The following CLNK variants were observed in gnomAD, a reference collection of about 807,000 sequenced individuals.
The protein encoded by CLNK is cytokine dependent hematopoietic cell linker.
In CLNK, 74 loss-of-function variants were observed where a neutral mutation model predicts 68.6. The observed-to-expected ratio is 1.08, with a 90% CI of 0.89 to 1.31. CLNK has a LOEUF of 1.31. CLNK is among the 50% of genes most tolerant of loss of function. The probability of loss-of-function intolerance (pLI) is 0.00; values close to 1 mark genes in which losing one functional copy is unlikely to be tolerated. For missense variants in CLNK, 553 were observed against 515.3 expected (o/e 1.07, Z -0.71); for synonymous variants, 198 against 172.2 (o/e 1.15, Z -1.17).
intron 4 of CLNK, among the ~76,000 whole-genome samples, chr4:10,575,781 A>G (rs574902202): frequency 6.6e-6 from 1 of 152,378 alleles, no homozygotes; most frequent in South Asian, 2.1e-4. Context: ...GTGAATCACA[A>G]TGACTGTTTG....
intron 2 of CLNK, among the ~76,000 whole-genome samples, chr4:10,628,510 G>T (rs1049221571): frequency 1.3e-4 from 20 of 152,148 alleles, no homozygotes; most frequent in African/African-American, 4.3e-4. Context: ...TCCAGACTAA[G>T]ACGGCACCTA....
chr4:10,679,774 C>T (rs1725020831), intron 1 of CLNK, among the ~76,000 whole-genome samples: 1 of 152,168 alleles, frequency 6.6e-6, no homozygotes, highest in African/African-American at 2.4e-5. Flanking sequence ...ATATGCTCAT[C>T]ATCACTGGCC....
chr4:10,563,860 T>C (rs1274515676), intron 7 of CLNK, among the ~76,000 whole-genome samples: 2 of 152,118 alleles, frequency 1.3e-5, no homozygotes, highest in South Asian at 2.1e-4. Flanking sequence ...TGAACTGAGA[T>C]TGTGCCATTG....
At chr4:10,499,227 C>A (rs1389410949) in intron 18 of CLNK, among the ~76,000 whole-genome samples, 2 of 152,142 alleles carry the variant, frequency 1.3e-5, no homozygotes, top group African/African-American at 4.8e-5. Flanking sequence ...CTGACCCCAG[C>A]CAATGGGGAA....
intron 8 of CLNK, among the ~76,000 whole-genome samples, chr4:10,554,796 T>C (rs1351629876): frequency 6.6e-6 from 1 of 152,256 alleles, no homozygotes; most frequent in Non-Finnish European, 1.5e-5. Context: ...AAGTTGTGTG[T>C]TGCCAAGTTC....
At chr4:10,624,018 T>C (rs754783832) in intron 2 of CLNK, among the ~76,000 whole-genome samples, 4 of 152,258 alleles carry the variant, frequency 2.6e-5, no homozygotes, top group Non-Finnish European at 5.9e-5. Flanking sequence ...TGTGAAATGA[T>C]GGTGTCCCAG....
At chr4:10,521,988 T>A (rs1457598280) in intron 14 of CLNK, among the ~76,000 whole-genome samples, 1 of 152,076 alleles carries the variant, frequency 6.6e-6, no homozygotes, top group Non-Finnish European at 1.5e-5. Context: ...TCTGGGCGTG[T>A]TGGCTCACGC....
At chr4:10,582,613 C>G (rs1372514012) in intron 4 of CLNK, among the ~76,000 whole-genome samples, 1 of 151,948 alleles carries the variant, frequency 6.6e-6, no homozygotes, top group African/African-American at 2.4e-5. Context: ...TATCAGCCTC[C>G]GAGAAGGTAT....
At chr4:10,675,539 G>A (rs974039453) in intron 1 of CLNK, among the ~76,000 whole-genome samples, 1 of 152,156 alleles carries the variant, frequency 6.6e-6, no homozygotes, top group Non-Finnish European at 1.5e-5. Context: ...CTTGCAAAGA[G>A]ACATTTATCA....
the CLNK span, among the ~76,000 whole-genome samples, chr4:10,714,999 A>G: frequency 2.0e-5 from 3 of 152,256 alleles, no homozygotes; most frequent in South Asian, 2.1e-4. Context: ...TGGTTTCAGT[A>G]TCAGTAATAA....
At chr4:10,549,981 G>A (rs1194450251) in intron 8 of CLNK, among the ~76,000 whole-genome samples, 1 of 152,198 alleles carries the variant, frequency 6.6e-6, no homozygotes, top group Non-Finnish European at 1.5e-5. Flanking sequence ...AGAATCCGAT[G>A]GACCTTGGTT....
chr4:10,516,330 G>A (rs1297182243), intron 15 of CLNK, among the ~76,000 whole-genome samples: 1 of 152,136 alleles, frequency 6.6e-6, no homozygotes, highest in African/African-American at 2.4e-5. Context: ...TACAGTTATG[G>A]TTAGTAACTT....
chr4:10,595,201 A>C lies in CLNK; in HGVS notation c.83+2777T>G, dbSNP rs375822070. Among the ~76,000 whole-genome samples, 22 of 152,330 alleles carry C rather than the reference A, an allele frequency of 1.4e-4. 1 individual carries two copies. The East Asian group carries it at 3.3e-3, about 23-fold the overall frequency. ...CCACTTTCTACTGGGACTGTGACAAAAAGATATAACCTCCCTCAGACTATT... is the reference window on the plus strand; with the variant it reads ...CCACTTTCTACTGGGACTGTGACAACAAGATATAACCTCCCTCAGACTATT... On this transcript the variant is annotated intron_variant, in intron 3 of 18. Transcript: ENST00000226951.
chr4:10,578,610 G>C (rs1209202317), intron 4 of CLNK, among the ~76,000 whole-genome samples: 1 of 93,278 alleles, frequency 1.1e-5, no homozygotes. Flanking sequence ...TTTTTGAGAT[G>C]GAGTTTTGCT....
At chr4:10,698,393 A>G in the CLNK span, among the ~76,000 whole-genome samples, 1 of 152,214 alleles carries the variant, frequency 6.6e-6, no homozygotes, top group Non-Finnish European at 1.5e-5. Context: ...TGCCATTATT[A>G]CGCCCTTAGT....
At chr4:10,578,161 G>T (rs1346597870) in intron 4 of CLNK, among the ~76,000 whole-genome samples, 1 of 152,194 alleles carries the variant, frequency 6.6e-6, no homozygotes, top group East Asian at 1.9e-4. Flanking sequence ...TTGGCTCAGT[G>T]CCCAGTAACA....
chr4:10,722,628 C>T, the CLNK span, among the ~76,000 whole-genome samples: 1 of 152,152 alleles, frequency 6.6e-6, no homozygotes, highest in Non-Finnish European at 1.5e-5. Flanking sequence ...AACACACAAA[C>T]AAAGCAAGTA....
intron 4 of CLNK, among the ~76,000 whole-genome samples, chr4:10,578,258 A>T (rs578158989): frequency 6.6e-6 from 1 of 152,306 alleles, no homozygotes; most frequent in Non-Finnish European, 1.5e-5. Flanking sequence ...CACTGCTTTC[A>T]GATCTATATT....
At chr4:10,634,846 G>T (rs1371870543) in intron 2 of CLNK, among the ~76,000 whole-genome samples, 1 of 152,102 alleles carries the variant, frequency 6.6e-6, no homozygotes, top group Non-Finnish European at 1.5e-5. Context: ...AAAATCTTTG[G>T]TAAAATGAGC....
Sources: gnomAD v4.1 joint callset for allele counts (sites outside exome capture counted in the v4.1 genomes callset) on GRCh38, gnomAD v4.1.1 for gene constraint, MANE v1.5 for transcripts, NCBI Gene and HGNC (gene_info 2026-07-23, HGNC 2026-07-21) for gene names.